Variants in KCNU1 observed in about 807,000 individuals in gnomAD.
The protein encoded by KCNU1 is potassium channel subfamily U member 1.
In KCNU1, 93 loss-of-function variants were observed where a neutral mutation model predicts 126.8. That is an observed-to-expected ratio of 0.73 (90% CI 0.62 to 0.87). KCNU1 has a LOEUF of 0.87. KCNU1 is among the 40% of genes least tolerant of loss of function. The pLI is 0.00. For missense variants in KCNU1, 1,330 were observed against 1,367.1 expected, an observed-to-expected ratio of 0.97 and a Z score of 0.43; for synonymous variants, 523 against 494.2, an observed-to-expected ratio of 1.06 and a Z score of -0.77.
intron 2 of KCNU1, among the ~76,000 whole-genome samples, chr8:36,788,199 ATCT>A (rs1396661578): frequency 6.6e-6 from 1 of 152,010 alleles, no homozygotes; most frequent in Non-Finnish European, 1.5e-5. Flanking sequence ...TTTGGGCATC[ATCT>A]TCTCGGGGCA....
chr8:36,863,917 A>G (rs1045380638), intron 18 of KCNU1, among the ~76,000 whole-genome samples: 1 of 152,172 alleles, frequency 6.6e-6, no homozygotes, highest in African/African-American at 2.4e-5. Context: ...TTTGATATGC[A>G]TTTACTGTAA....
chr8:36,861,853 A>G (rs1163159253), intron 18 of KCNU1, among the ~76,000 whole-genome samples: 1 of 152,230 alleles, frequency 6.6e-6, no homozygotes, highest in African/African-American at 2.4e-5. Context: ...CACGTATTCC[A>G]GAAAAGGAAA....
intron 10 of KCNU1, among the ~76,000 whole-genome samples, chr8:36,825,970 T>G (rs1231788215): frequency 6.6e-6 from 1 of 152,086 alleles, no homozygotes; most frequent in Non-Finnish European, 1.5e-5. Flanking sequence ...TGGTTGTATG[T>G]TATAATTTTC....
intron 10 of KCNU1, among the ~76,000 whole-genome samples, chr8:36,820,697 CA>C (rs911969093): frequency 1.3e-5 from 2 of 149,496 alleles, no homozygotes; most frequent in Non-Finnish European, 3.0e-5. Flanking sequence ...TCCAGATGGT[CA>C]AAAAAAGGAA....
At chr8:36,797,358 TA>T in intron 2 of KCNU1, among the ~76,000 whole-genome samples, 1 of 152,304 alleles carries the variant, frequency 6.6e-6, no homozygotes, top group Middle Eastern at 3.4e-3. Context: ...GTGGATAATT[TA>T]ATTTTAATAG....
chr8:36,864,870 C>T (rs1805851822), intron 19 of KCNU1, among the ~76,000 whole-genome samples: 1 of 152,198 alleles, frequency 6.6e-6, no homozygotes, highest in East Asian at 1.9e-4. Context: ...CCAATACATT[C>T]AAGATGTGAT....
At chr8:36,843,671 T>A (rs1174689820) in intron 16 of KCNU1, among the ~76,000 whole-genome samples, 2 of 152,202 alleles carry the variant, frequency 1.3e-5, no homozygotes, top group Non-Finnish European at 2.9e-5. Context: ...AGACTGCATG[T>A]TTAAATAGTT....
In KCNU1 at chr8:36,896,359, T is replaced by C. The variant is rs184527998; in HGVS notation, c.2010-9349T>C. On this transcript the variant is annotated intron_variant, in intron 19 of 26. Coordinates refer to ENST00000399881, the MANE Select transcript of KCNU1 (RefSeq NM_001031836.3). ...TATCACATCAGATGTCTGGAAACAA[T>C]AGTCAAAGATTAGATTTATGATAAT... Among the ~76,000 whole-genome samples the C allele has an allele frequency of 5.9e-5, 9 of 152,130 alleles. No homozygotes were observed. In the East Asian group the frequency reaches 1.7e-3, roughly 29 times the overall value.
chr8:36,822,090 G>T (rs1381485487), intron 10 of KCNU1, among the ~76,000 whole-genome samples: 2 of 152,050 alleles, frequency 1.3e-5, no homozygotes, highest in African/African-American at 4.8e-5. Flanking sequence ...ATCTGGGCTA[G>T]CCTTTTGACT....
chr8:36,897,495 T>C (rs1341456428), intron 19 of KCNU1, among the ~76,000 whole-genome samples: 1 of 152,030 alleles, frequency 6.6e-6, no homozygotes, highest in African/African-American at 2.4e-5. Flanking sequence ...AATATGAATG[T>C]CACCAAGAGC....
At chr8:36,810,191 G>A (rs1321917145) in intron 7 of KCNU1, among the ~76,000 whole-genome samples, 1 of 151,764 alleles carries the variant, frequency 6.6e-6, no homozygotes, top group Non-Finnish European at 1.5e-5. Flanking sequence ...GGGACAGGTT[G>A]CAGTGAGCTG....
At chr8:36,922,433 C>A in intron 23 of KCNU1, 57 bp from the exon 24 acceptor site, 3 of 1,548,130 alleles carry the variant, frequency 1.9e-6, no homozygotes, top group Non-Finnish European at 2.6e-6. Context: ...ATGGATGGCA[C>A]TTCTTATATT....
chr8:36,891,734 A>T (rs1646732546), intron 19 of KCNU1, among the ~76,000 whole-genome samples: 1 of 152,110 alleles, frequency 6.6e-6, no homozygotes, highest in Admixed American at 6.6e-5. Flanking sequence ...TTGGATATAG[A>T]ATTCTTAACT....
chr8:36,902,753 T>G (rs1395461759), intron 19 of KCNU1, among the ~76,000 whole-genome samples: 1 of 152,130 alleles, frequency 6.6e-6, no homozygotes, highest in Non-Finnish European at 1.5e-5. Context: ...TAGCTGTGCT[T>G]GCTGGTGAGT....
intron 15 of KCNU1, 104 bp downstream of exon 15, chr8:36,840,679 T>C: frequency 1.3e-6 from 1 of 760,716 alleles, no homozygotes; most frequent in Non-Finnish European, 2.2e-6. Flanking sequence ...AAACTGAAGA[T>C]CTAAGAAGGG....
rs1216880068 is a variant in KCNU1, at chr8:36,879,238, T to TATATATATATATATAC, written c.2009+14718_2009+14719insTATATATATATATACA. Reference sequence around the variant, plus strand: ...ATATATATATATATATATATATATATACACACACATATATGAAATATATGA... The same window carrying TATATATATATATATAC: ...ATATATATATATATATATATATATATATATATATATATATACACACACACATATATGAAATATATGA... On this transcript the variant is annotated intron_variant, in intron 19 of 26. Transcript: ENST00000399881. Among the ~76,000 whole-genome samples the TATATATATATATATAC allele has an allele frequency of 5.0e-5, 7 of 139,340 alleles. No individual in the cohort carries two copies. In the South Asian group the frequency reaches 7.0e-4, roughly 14 times the overall value. The allele number at this position is 139,340 out of a possible 152,430, so 91.4% of individuals were successfully genotyped here.
intron 10 of KCNU1, among the ~76,000 whole-genome samples, chr8:36,822,273 A>G (rs1804159312): frequency 6.6e-6 from 1 of 152,064 alleles, no homozygotes; most frequent in South Asian, 2.1e-4. Flanking sequence ...ATACGTATGT[A>G]TGTATGTTGG....
At chr8:36,836,452 A>G (rs1804752582) in intron 13 of KCNU1, 87 bp downstream of exon 13, 3 of 950,906 alleles carry the variant, frequency 3.2e-6, no homozygotes, top group Non-Finnish European at 3.2e-6. Flanking sequence ...ATGTGTAAAT[A>G]AAAAGTTTTT....
Position 36,930,910 on chromosome 8 carries a change from G to A in KCNU1, c.2737-41G>A, listed in dbSNP as rs376312455. On this transcript the variant is annotated intron_variant, in intron 24 of 26. Transcript: ENST00000399881. The stretch of plus-strand genomic sequence containing the variant: ...TTTACCCCTCCACAGTTCACATATT[G>A]GCTCTTCTGACTTTGCATGTGGCTT... 1.7e-5 allele frequency: 25 copies of A among 1,468,068 alleles called. No homozygotes were observed. The African/African-American group carries it at 2.2e-4, about 13-fold the overall frequency. 90.9% of individuals were successfully genotyped at this position (1,468,068 alleles called of 1,614,324 possible).
Sources: allele counts gnomAD v4.1 joint callset (sites outside exome capture counted in the v4.1 genomes callset), GRCh38; gene constraint gnomAD v4.1.1; transcripts MANE v1.5; gene names NCBI Gene and HGNC (gene_info 2026-07-23, HGNC 2026-07-21).